Variants in THBS2 observed in about 807,000 individuals in gnomAD.
THBS2 encodes the protein thrombospondin 2, also known as thrombospondin-2.
A neutral mutation model predicts 135.2 loss-of-function variants in THBS2; 47 were observed. The ratio of observed to expected loss-of-function variants is 0.35; its 90% CI spans 0.28 to 0.44. The LOEUF (loss-of-function observed/expected upper bound fraction) is 0.44. Ranked by LOEUF, THBS2 falls within the 20% of genes least tolerant of loss-of-function variation. The pLI, the probability that THBS2 is intolerant of heterozygous loss-of-function variation, is 1.00. For missense variants in THBS2, 1,288 were observed against 1,603.1 expected (o/e 0.80, Z 3.36); for synonymous variants, 639 against 633.8 (o/e 1.01, Z -0.12).
At chr6:169,233,433 C>T (rs1341339623) in intron 10 of THBS2, among the ~76,000 whole-genome samples, 1 of 151,736 alleles carries the variant, frequency 6.6e-6, no homozygotes, top group Non-Finnish European at 1.5e-5. Flanking sequence ...ACCCACACAC[C>T]ATGTTCCAGA....
chr6:169,236,161 C>G (rs1402551732), intron 9 of THBS2, among the ~76,000 whole-genome samples: 4 of 123,388 alleles, frequency 3.2e-5, no homozygotes, highest in South Asian at 3.2e-4. Flanking sequence ...CATCCACACT[C>G]ACTCCCCATC....
intron 4 of THBS2, among the ~76,000 whole-genome samples, chr6:169,243,791 G>A (rs937621695): frequency 3.3e-5 from 5 of 152,182 alleles, no homozygotes; most frequent in Non-Finnish European, 5.9e-5. Context: ...GTTTTACCTG[G>A]TAGTAAAACC....
chr6:169,228,338 C>T, intron 14 of THBS2, 57 bp from the exon 15 acceptor site: 7 of 1,588,478 alleles, frequency 4.4e-6, no homozygotes, highest in South Asian at 1.1e-5. Context: ...TGTGTCGGGC[C>T]GTTTAGCACT....
In THBS2 at chr6:169,223,487, G is replaced by A. The variant is rs554981385; in HGVS notation, c.2774-12C>T. The A allele has an allele frequency of 1.2e-6, 2 of 1,603,182 alleles. No homozygotes were observed. The highest frequency in any genetic ancestry group is 2.2e-5 in the East Asian group (1 of 44,664). On this transcript the variant is annotated splice_polypyrimidine_tract_variant and intron_variant, in intron 17 of 21. Coordinates refer to ENST00000617924, the MANE Select transcript of THBS2 (RefSeq NM_003247.5). Reference sequence around the variant, plus strand: ...ACCCCGTCCATCACCTATGCACAAAGAACAAGCAAAAACAAAAACAAAAAC... The same window carrying A: ...ACCCCGTCCATCACCTATGCACAAAAAACAAGCAAAAACAAAAACAAAAAC...
At chr6:169,242,726 T>TC (rs1780375792) in intron 4 of THBS2, among the ~76,000 whole-genome samples, 1 of 120,442 alleles carries the variant, frequency 8.3e-6, no homozygotes, top group African/African-American at 3.1e-5. Context: ...CCTTCCCACC[T>TC]TCCCACCTTC....
At chr6:169,232,594 C>T in intron 12 of THBS2, 70 bp downstream of exon 12, 1 of 1,533,416 alleles carries the variant, frequency 6.5e-7, no homozygotes, top group South Asian at 1.3e-5. Context: ...CTTCCTCCTG[C>T]TGCTTTTCTG....
chr6:169,249,475 C>A (rs913339448), intron 2 of THBS2, among the ~76,000 whole-genome samples: 4 of 152,326 alleles, frequency 2.6e-5, no homozygotes, highest in Admixed American at 2.6e-4. Context: ...CTGGGAAAGA[C>A]ATGGATCTTT....
rs1166695288 is a variant in THBS2 at position 169,216,107 on chromosome 6, C to T, written c.*1715G>A. 1 of 152,122 alleles carries T rather than the reference C, an allele frequency of 6.6e-6. No individual in the cohort carries two copies. The highest frequency in any genetic ancestry group is 1.9e-4 in the East Asian group (1 of 5,190). 9.4% of individuals were successfully genotyped at this position (152,122 alleles called of 1,614,324 possible). A position where few individuals can be genotyped will look rare whatever the true frequency, so the allele number is the denominator to read the frequency against. On this transcript the variant is annotated 3_prime_UTR_variant, in exon 22 of 22. Transcript: ENST00000617924. ...CGCTACATTTAATGAAGTATCCCAA[C>T]GCTTCGTTGGTCTCGGGAATACAGC...
rs147710010 is a variant in THBS2, at chr6:169,250,081, C to G, written c.52+652G>C. The stretch of plus-strand genomic sequence containing the variant: ...GAACAGAAAGTTTAGCCAAAGCCTT[C>G]CTTTTCATCTAATATTTAGCAAATT... On this transcript the variant is annotated intron_variant, in intron 2 of 21. Coordinates refer to ENST00000617924, the MANE Select transcript of THBS2 (RefSeq NM_003247.5). Among the ~76,000 whole-genome samples, 1,275 of 152,196 alleles carry G rather than the reference C, an allele frequency of 8.4e-3. 21 individuals are homozygous for G. The highest frequency in any genetic ancestry group is 0.03 in the African/African-American group (1,231 of 41,516).
Position 169,234,337 on chromosome 6 carries a change from A to G in THBS2, c.1651+397T>C, listed in dbSNP as rs1473629467. On this transcript the variant is annotated intron_variant, in intron 10 of 21. Transcript: ENST00000617924. Reference sequence around the variant, plus strand: ...GGCCACACCACACAACTACCCACACACCACATTCCACACCACACAACTACC... The same window carrying G: ...GGCCACACCACACAACTACCCACACGCCACATTCCACACCACACAACTACC... Among the ~76,000 whole-genome samples, 12 of 69,782 alleles carry G rather than the reference A, an allele frequency of 1.7e-4. 1 individual carries two copies. The highest frequency in any genetic ancestry group is 4.6e-4 in the African/African-American group (12 of 25,944). 45.8% of individuals were successfully genotyped at this position (69,782 alleles called of 152,430 possible).
chr6:169,236,897 C>T (rs990034740), intron 9 of THBS2, among the ~76,000 whole-genome samples: 3 of 152,262 alleles, frequency 2.0e-5, no homozygotes, highest in Non-Finnish European at 4.4e-5. Flanking sequence ...GGTGCTGGAT[C>T]ATTCTTCCTT....
chr6:169,232,310 C>A, intron 12 of THBS2, 112 bp from the exon 13 acceptor site: 1 of 1,234,654 alleles, frequency 8.1e-7, no homozygotes, highest in Non-Finnish European at 1.2e-6. Flanking sequence ...CAAGCGGACC[C>A]AAGTCCTGAA....
Position 169,226,250 on chromosome 6 carries a change from T to C in THBS2, c.2468A>G (p.Gln823Arg), listed in dbSNP as rs376275090. 6.2e-7 allele frequency: 1 copy of C among 1,614,100 alleles called. No homozygotes were observed. The highest frequency in any genetic ancestry group is 1.1e-5 in the South Asian group (1 of 91,096). ...DNCPYVYNTD[Q>R]RDTDGDGVGD... is the part of the protein sequence containing the mutation. Reference sequence around the variant, plus strand: ...CACACCGTCACCATCCGTGTCCCTCTGGTCAGTGTTGTAGACGTAGGGACA... The same window carrying C: ...CACACCGTCACCATCCGTGTCCCTCCGGTCAGTGTTGTAGACGTAGGGACA... Residue 823 changes from glutamine (Q) to arginine (R), a missense_variant, in exon 16 of 22, where the codon CAG (glutamine) becomes CGG (arginine). This residue lies in a region of THBS2 where 874 missense variants were observed against 1,156.1 expected (regional missense o/e 0.76). Coordinates refer to ENST00000617924, the MANE Select transcript of THBS2 (RefSeq NM_003247.5).
intron 21 of THBS2, among the ~76,000 whole-genome samples, chr6:169,219,985 C>T (rs1779365899): frequency 1.3e-5 from 2 of 152,186 alleles, no homozygotes; most frequent in South Asian, 2.1e-4. Context: ...AAGTGTTCTA[C>T]CAGAGGCATC....
rs2115018508 is a variant in THBS2 at position 169,241,954 on chromosome 6, C to G, written c.699G>C (p.Glu233Asp). The G allele has an allele frequency of 6.2e-7, 1 of 1,607,268 alleles. No homozygotes were observed. Among genetic ancestry groups the G allele is most frequent in the East Asian group, 2.2e-5 (1 of 44,766 alleles). ...CTGTGTTCTCACTGATGGCGTTGAT[C>G]TCAGCTGAGGGCAAGCGTAGAAGGG... The part of the protein sequence containing the change: ...KKGCQQGQGA[E>D]INAISENTET... The change falls in exon 5 of 22, where the codon GAG becomes GAC. Residue 233 changes from glutamate (E) to aspartate (D), a missense_variant. Physicochemically the swap from Glu to Asp is conservative, Grantham distance 45 (BLOSUM62 2). Around this residue, in one of 2 missense-constraint regions of THBS2, gnomAD observed 414 missense variants for 447.0 expected, o/e 0.93. Coordinates refer to ENST00000617924, the MANE Select transcript of THBS2 (RefSeq NM_003247.5). This position sits in a 1 kb window ranked among gnomAD's most constrained non-coding sequence, Gnocchi z 5.5.
chr6:169,231,312 C>T (rs1448146796), intron 13 of THBS2, among the ~76,000 whole-genome samples: 1 of 152,160 alleles, frequency 6.6e-6, no homozygotes, highest in Non-Finnish European at 1.5e-5. Context: ...GAGGTCAGGG[C>T]CATGCAGCCA....
chr6:169,241,832 C>T lies in THBS2; in HGVS notation c.821G>A (p.Gly274Glu). 1 of 1,612,810 alleles carries T rather than the reference C, an allele frequency of 6.2e-7. No individual in the cohort carries two copies. The highest frequency in any genetic ancestry group is 8.5e-7 in the Non-Finnish European group (1 of 1,179,964). The change falls in exon 5 of 22, where the codon GGA becomes GAA. Residue 274 changes from glycine to glutamate, a missense_variant. Coordinates refer to ENST00000617924, the MANE Select transcript of THBS2 (RefSeq NM_003247.5). The surrounding 1 kb of genome is among the most constrained non-coding windows in gnomAD (Gnocchi z 5.5). ...EVCERSCEEL[G>E]NMVQELSGLH... is the part of the protein sequence containing the mutation. ...CCCCGAGAGCTCCTGGACCATGTTT[C>T]CCAGCTCCTCGCACGAGCGTTCGCA...
intron 14 of THBS2, 23 bp downstream of exon 14, chr6:169,229,549 T>A (rs756940255): frequency 6.2e-7 from 1 of 1,603,112 alleles, no homozygotes; most frequent in East Asian, 2.2e-5. Flanking sequence ...CCAGGGCAGG[T>A]GCGCGGCACA....
rs1166145386 is a variant in THBS2 at position 169,248,494 on chromosome 6, G to C, written c.532C>G (p.Pro178Ala). Residue 178 changes from proline (P) to alanine (A), a missense_variant, in exon 3 of 22, where the codon CCC (proline) becomes GCC (alanine). Pro to Ala is a conservative substitution (Grantham distance 27). Transcript: ENST00000617924. ...TCCGCCTGCAGGTGCTCGTAGAAGGGCTCGTCCAGAGCGAAGCTGTCTATG... is the reference window on the plus strand; with the variant it reads ...TCCGCCTGCAGGTGCTCGTAGAAGGCCTCGTCCAGAGCGAAGCTGTCTATG... The part of the protein sequence containing the change: ...DLIDSFALDE[P>A]FYEHLQAEKS... 1 of 1,613,894 alleles carries C rather than the reference G, an allele frequency of 6.2e-7. No homozygotes were observed. The highest frequency in any genetic ancestry group is 8.5e-7 in the Non-Finnish European group (1 of 1,180,040).
Sources: allele counts gnomAD v4.1 joint callset (sites outside exome capture counted in the v4.1 genomes callset), GRCh38; gene constraint gnomAD v4.1.1; regional missense constraint gnomAD v4.1.1; non-coding constraint Gnocchi (gnomAD v3.1); transcripts MANE v1.5; gene names NCBI Gene and HGNC (gene_info 2026-07-23, HGNC 2026-07-21).